The following PLK1 variants were observed in gnomAD, a reference collection of about 807,000 sequenced individuals.
PLK1 encodes polo like kinase 1, also known as serine/threonine-protein kinase PLK1.
PLK1 carries 6 observed loss-of-function variants against 56.7 expected under a neutral mutation model. The ratio of observed to expected loss-of-function variants is 0.11; its 90% CI spans 0.06 to 0.21. The LOEUF is 0.21. Ranked by LOEUF, PLK1 falls within the 10% of genes least tolerant of loss-of-function variation. The probability of loss-of-function intolerance (pLI) is 1.00; values close to 1 mark genes in which losing one functional copy is unlikely to be tolerated. For synonymous variants in PLK1, 298 were observed against 325.0 expected, an observed-to-expected ratio of 0.92 and a Z score of 0.89; for missense variants, 546 against 814.4, an observed-to-expected ratio of 0.67 and a Z score of 4.01.
At chr16:23,682,679 C>CAT (rs1959352645) in intron 4 of PLK1, among the ~76,000 whole-genome samples, 1 of 150,472 alleles carries the variant, frequency 6.6e-6, no homozygotes, top group African/African-American at 2.4e-5. Flanking sequence ...CCCACCACCT[C>CAT]GCCTGGCTTT....
chr16:23,678,967 G>C lies in PLK1; in HGVS notation c.35G>C (p.Arg12Pro). 1 of 1,582,464 alleles carries C rather than the reference G, an allele frequency of 6.3e-7. No homozygotes were observed. The highest frequency in any genetic ancestry group is 8.6e-7 in the Non-Finnish European group (1 of 1,164,770). Residue 12 changes from arginine to proline, a missense_variant, in exon 1 of 10, where the codon CGG becomes CCG. Physicochemically the swap from Arg to Pro is moderately radical, Grantham distance 103. This residue lies in a region of PLK1 where 72 missense variants were observed against 63.7 expected (regional missense o/e 1.13). Coordinates refer to ENST00000300093, the MANE Select transcript of PLK1 (RefSeq NM_005030.6). ...SAAVTAGKLARAPADPGKAGV... is the reference protein window; with the variant it reads ...SAAVTAGKLAPAPADPGKAGV... ...GCAGTGACTGCAGGGAAGCTGGCACGGGCACCGGCCGACCCTGGGAAAGCC... is the reference window on the plus strand; with the variant it reads ...GCAGTGACTGCAGGGAAGCTGGCACCGGCACCGGCCGACCCTGGGAAAGCC...
intron 2 of PLK1, 25 bp downstream of exon 2, chr16:23,680,277 G>T: frequency 2.5e-6 from 4 of 1,609,000 alleles, no homozygotes; most frequent in Non-Finnish European, 3.4e-6. Context: ...CTGCAGGGGT[G>T]CTTGACATCA....
In PLK1 at chr16:23,689,702, G is replaced by A; in HGVS notation, c.1608+26G>A. 6.3e-7 allele frequency: 1 copy of A among 1,586,226 alleles called. No homozygotes were observed. Among genetic ancestry groups the A allele is most frequent in the South Asian group, 1.1e-5 (1 of 89,366 alleles). ...GTGAGCTGGAGGTCACCAGGCGCAGGAGAGAGCTGGGGTAGGCTCCGCATG... is the reference window on the plus strand; with the variant it reads ...GTGAGCTGGAGGTCACCAGGCGCAGAAGAGAGCTGGGGTAGGCTCCGCATG... On this transcript the variant is annotated intron_variant, in intron 9 of 9. Transcript: ENST00000300093. This position sits in a 1 kb window ranked among gnomAD's most constrained non-coding sequence, Gnocchi z 4.8.
Position 23,688,706 on chromosome 16 carries a change from G to A in PLK1, c.1231G>A (p.Val411Ile). ...TCCTGCCTGCATCCCCATCTTCTGGGTCAGCAAGTGGGTGGACTATTCGGA... is the reference window on the plus strand; with the variant it reads ...TCCTGCCTGCATCCCCATCTTCTGGATCAGCAAGTGGGTGGACTATTCGGA... ...EDPACIPIFW[V>I]SKWVDYSDKY... is the part of the protein sequence containing the mutation. The change falls in exon 7 of 10, where the codon GTC becomes ATC. Residue 411 changes from valine (V) to isoleucine (I), a missense_variant. Transcript: ENST00000300093. The A allele has an allele frequency of 6.2e-7, 1 of 1,614,104 alleles. No homozygotes were observed. Among genetic ancestry groups the A allele is most frequent in the Non-Finnish European group, 8.5e-7 (1 of 1,179,910 alleles).
At chr16:23,679,372 C>A (rs758931555) in intron 1 of PLK1, 32 bp downstream of exon 1, 2 of 1,589,034 alleles carry the variant, frequency 1.3e-6, no homozygotes, top group Non-Finnish European at 1.7e-6. Flanking sequence ...CTGGAACTGC[C>A]TGCGGGGCAG....
Position 23,679,066 on chromosome 16 carries a change from T to C in PLK1, c.134T>C (p.Val45Ala). The C allele has an allele frequency of 1.9e-6, 3 of 1,607,274 alleles. No individual in the cohort carries two copies. The highest frequency in any genetic ancestry group is 2.6e-6 in the Non-Finnish European group (3 of 1,175,234). ...PPAKEIPEVL[V>A]DPRSRRRYVR... ...GCGAAAGAGATCCCGGAGGTCCTAG[T>C]GGACCCACGCAGCCGGCGGCGCTAT... is the stretch of plus-strand genomic sequence containing the variant. The change falls in exon 1 of 10, where the codon GTG becomes GCG. Residue 45 changes from valine (V) to alanine (A), a missense_variant. Physicochemically the swap from Val to Ala is moderately conservative, Grantham distance 64 (BLOSUM62 0). Coordinates refer to ENST00000300093, the MANE Select transcript of PLK1 (RefSeq NM_005030.6).
In PLK1 at chr16:23,683,739, A is replaced by T; in HGVS notation, c.817-131A>T. 4.1e-6 allele frequency: 3 copies of T among 732,280 alleles called. No individual in the cohort carries two copies. In the South Asian group the frequency reaches 4.7e-5, roughly 12 times the overall value. The allele number at this position is 732,280 out of a possible 1,614,324, so 45.4% of individuals were successfully genotyped here. A position where few individuals can be genotyped will look rare whatever the true frequency, so the allele number is the denominator to read the frequency against. On this transcript the variant is annotated intron_variant, in intron 4 of 9. Transcript: ENST00000300093. ...GAACTTGGCATTGAACCAAGTTGTG[A>T]ACCACTGACCTGTGGTGTATTTGAG... is the stretch of plus-strand genomic sequence containing the variant.
chr16:23,682,099 C>T lies in PLK1; in HGVS notation c.758C>T (p.Thr253Ile). 1.2e-6 allele frequency: 2 copies of T among 1,608,698 alleles called. No individual in the cohort carries two copies. Among genetic ancestry groups the T allele is most frequent in the Non-Finnish European group, 1.7e-6 (2 of 1,175,078 alleles). ...TTAGTGGGCAAACCACCTTTTGAGACTTCTTGCCTAAAAGAGACCTACCTC... is the reference window on the plus strand; with the variant it reads ...TTAGTGGGCAAACCACCTTTTGAGATTTCTTGCCTAAAAGAGACCTACCTC... ...TLLVGKPPFE[T>I]SCLKETYLRI... The change falls in exon 4 of 10, where the codon ACT becomes ATT. Residue 253 changes from threonine to isoleucine, a missense_variant. By Grantham distance (89) the Thr-to-Ile change is moderately conservative. Transcript: ENST00000300093.
intron 3 of PLK1, 29 bp from the exon 4 acceptor site, chr16:23,682,035 T>G (rs369045534): frequency 1.7e-5 from 20 of 1,181,684 alleles, no homozygotes; most frequent in Non-Finnish European, 2.4e-5. Context: ...GCTGGGAGAC[T>G]GGTGCCAAAT....
chr16:23,684,202 C>T, intron 5 of PLK1, 113 bp downstream of exon 5: 1 of 751,674 alleles, frequency 1.3e-6, no homozygotes, highest in South Asian at 1.6e-5. Flanking sequence ...TAGGACAGGC[C>T]TCTGTCCTTC....
At chr16:23,687,399 G>C (rs539311398) in intron 5 of PLK1, 70 bp from the exon 6 acceptor site, 1 of 1,305,614 alleles carries the variant, frequency 7.7e-7, no homozygotes, top group East Asian at 2.7e-5. Context: ...TTTTTCTTTC[G>C]GAAGAGTTTC....
At chr16:23,683,164 CT>C (rs1199040194) in intron 4 of PLK1, among the ~76,000 whole-genome samples, 6 of 151,500 alleles carry the variant, frequency 4.0e-5, no homozygotes, top group Non-Finnish European at 5.9e-5. Flanking sequence ...CTTCTTTTTT[CT>C]GTATTTGTGG....
intron 4 of PLK1, among the ~76,000 whole-genome samples, chr16:23,682,542 T>A (rs1409379118): frequency 4.9e-5 from 7 of 142,046 alleles, no homozygotes; most frequent in East Asian, 2.1e-4. Flanking sequence ...TTTTTTTTTT[T>A]ATTTGAGGTG....
chr16:23,686,142 G>A (rs1470193925), intron 5 of PLK1, among the ~76,000 whole-genome samples: 2 of 152,050 alleles, frequency 1.3e-5, no homozygotes, highest in Non-Finnish European at 2.9e-5. Context: ...GGGCTCAAGT[G>A]ATCCTCCAGC....
At chr16:23,685,855 G>A (rs1428440392) in intron 5 of PLK1, among the ~76,000 whole-genome samples, 1 of 151,928 alleles carries the variant, frequency 6.6e-6, no homozygotes, top group Non-Finnish European at 1.5e-5. Context: ...TGCCTAGAAT[G>A]ATGTTCTAAT....
intron 4 of PLK1, among the ~76,000 whole-genome samples, chr16:23,682,562 T>C (rs1227756851): frequency 6.6e-6 from 1 of 150,720 alleles, no homozygotes; most frequent in East Asian, 1.9e-4. Context: ...GGAGTTTTGC[T>C]CTTGTTGCCC....
chr16:23,683,116 G>A (rs1597134920), intron 4 of PLK1, among the ~76,000 whole-genome samples: 2 of 147,922 alleles, frequency 1.4e-5, no homozygotes. Flanking sequence ...TCAGCCTCCT[G>A]AGTAGCTGGA....
intron 4 of PLK1, 45 bp from the exon 5 acceptor site, chr16:23,683,825 G>A (rs1567239403): frequency 6.9e-7 from 1 of 1,458,152 alleles, no homozygotes; most frequent in Non-Finnish European, 9.6e-7. Context: ...TGTACTCCAG[G>A]TCCCCTTCAC....
At chr16:23,687,343 A>G in intron 5 of PLK1, 126 bp from the exon 6 acceptor site, 1 of 724,108 alleles carries the variant, frequency 1.4e-6, no homozygotes, top group Non-Finnish European at 2.2e-6. Context: ...TGCTCTAGTA[A>G]CCAGGCACTG....
Sources: allele counts gnomAD v4.1 joint callset (sites outside exome capture counted in the v4.1 genomes callset), GRCh38; gene constraint gnomAD v4.1.1; regional missense constraint gnomAD v4.1.1; non-coding constraint Gnocchi (gnomAD v3.1); transcripts MANE v1.5; gene names NCBI Gene and HGNC (gene_info 2026-07-23, HGNC 2026-07-21).